Variants in DOK6 observed in about 807,000 individuals in gnomAD.
DOK6 encodes the protein docking protein 6.
DOK6 carries 22 observed loss-of-function variants against 44.0 expected under a neutral mutation model. The ratio of observed to expected loss-of-function variants is 0.50; its 90% confidence interval spans 0.36 to 0.71. The LOEUF (loss-of-function observed/expected upper bound fraction) is 0.71, where lower values mean the gene tolerates loss of function less well. Ranked by LOEUF, DOK6 falls within the 30% of genes least tolerant of loss-of-function variation. DOK6 has a pLI of 0.00. For missense variants in DOK6, 340 were observed against 416.4 expected (o/e 0.82, Z 1.60); for synonymous variants, 166 against 145.5 (o/e 1.14, Z -1.01).
chr18:69,432,106 C>T (rs554401345), intron 1 of DOK6, among the ~76,000 whole-genome samples: 1 of 152,084 alleles, frequency 6.6e-6, no homozygotes, highest in Non-Finnish European at 1.5e-5. Context: ...ATATAGTATA[C>T]AATTAGTGAG....
intron 1 of DOK6, among the ~76,000 whole-genome samples, chr18:69,538,182 GA>G (rs1452153309): frequency 6.6e-6 from 1 of 152,136 alleles, no homozygotes. Flanking sequence ...GCTGAAATAT[GA>G]GAACTTACAT....
intron 2 of DOK6, among the ~76,000 whole-genome samples, chr18:69,580,462 GA>G (rs1313182017): frequency 6.6e-6 from 1 of 152,170 alleles, no homozygotes; most frequent in Non-Finnish European, 1.5e-5. Context: ...CTTGCTTTTA[GA>G]AAGCTTCCAT....
chr18:69,735,174 G>T (rs567557193), intron 5 of DOK6, among the ~76,000 whole-genome samples: 2 of 152,298 alleles, frequency 1.3e-5, no homozygotes, highest in African/African-American at 4.8e-5. Context: ...AAGTGATTCT[G>T]GATGCAAGTG....
chr18:69,770,578 TAC>T (rs1473838273), intron 7 of DOK6, among the ~76,000 whole-genome samples: 1 of 152,124 alleles, frequency 6.6e-6, no homozygotes, highest in African/African-American at 2.4e-5. Context: ...ATGACTTGTA[TAC>T]AGTTTGGTCA....
intron 6 of DOK6, among the ~76,000 whole-genome samples, chr18:69,744,238 A>G (rs1978901576): frequency 6.6e-6 from 1 of 151,148 alleles, no homozygotes. Flanking sequence ...TGAACCCGGG[A>G]GGCGGAGGTT....
intron 5 of DOK6, among the ~76,000 whole-genome samples, chr18:69,728,322 A>AT (rs1978321629): frequency 7.5e-6 from 1 of 133,458 alleles, no homozygotes; most frequent in Admixed American, 7.7e-5. Context: ...AATGCTTTCT[A>AT]ATTTTTTTCC....
At chr18:69,414,610 A>T (rs963104047) in intron 1 of DOK6, among the ~76,000 whole-genome samples, 1 of 152,092 alleles carries the variant, frequency 6.6e-6, no homozygotes, top group Non-Finnish European at 1.5e-5. Context: ...AGAAGTGGTT[A>T]TAAAAGCAAA....
At chr18:69,635,043 C>G (rs566067368) in intron 3 of DOK6, among the ~76,000 whole-genome samples, 1 of 152,308 alleles carries the variant, frequency 6.6e-6, no homozygotes, top group African/African-American at 2.4e-5. Flanking sequence ...ACTGCCACAT[C>G]TGCCAGCCCC....
intron 3 of DOK6, among the ~76,000 whole-genome samples, chr18:69,610,891 C>T (rs1250394887): frequency 6.6e-6 from 1 of 151,898 alleles, no homozygotes; most frequent in Non-Finnish European, 1.5e-5. Flanking sequence ...AGAAGGGGTT[C>T]CTTAAACCAA....
chr18:69,465,955 G>A (rs1484063102), intron 1 of DOK6, among the ~76,000 whole-genome samples: 1 of 152,108 alleles, frequency 6.6e-6, no homozygotes, highest in Non-Finnish European at 1.5e-5. Context: ...ATGACATGAT[G>A]CTTTATACAT....
At chr18:69,519,214 T>C (rs1191848450) in intron 1 of DOK6, among the ~76,000 whole-genome samples, 1 of 152,038 alleles carries the variant, frequency 6.6e-6, no homozygotes, top group African/African-American at 2.4e-5. Flanking sequence ...ATCACTAGAA[T>C]AGAAAATTGT....
chr18:69,602,048 G>A (rs943112541), intron 3 of DOK6, among the ~76,000 whole-genome samples: 10 of 152,198 alleles, frequency 6.6e-5, no homozygotes, highest in African/African-American at 1.9e-4. Context: ...AATATCCCAT[G>A]CAGAAAATTG....
chr18:69,683,130 T>A (rs1986079138), intron 4 of DOK6, among the ~76,000 whole-genome samples: 1 of 151,806 alleles, frequency 6.6e-6, no homozygotes, highest in Admixed American at 6.6e-5. Context: ...TAATTTTATC[T>A]ATGGGATGAC....
chr18:69,730,356 A>T (rs1052420020), intron 5 of DOK6, among the ~76,000 whole-genome samples: 5 of 152,246 alleles, frequency 3.3e-5, no homozygotes, highest in African/African-American at 1.2e-4. Flanking sequence ...GAGATATTAG[A>T]AGTACTATAA....
At chr18:69,820,015 T>G (rs537928711) in intron 7 of DOK6, among the ~76,000 whole-genome samples, 1 of 152,336 alleles carries the variant, frequency 6.6e-6, no homozygotes, top group African/African-American at 2.4e-5. Flanking sequence ...GTAGCTGTCC[T>G]GGGCTGCAGG....
chr18:69,750,885 A>G (rs1246826650), intron 6 of DOK6, among the ~76,000 whole-genome samples: 3 of 152,338 alleles, frequency 2.0e-5, no homozygotes, highest in East Asian at 1.9e-4. Context: ...GTGGAATAGT[A>G]TTGAGCCTTA....
chr18:69,678,179 G>A (rs1599258601), intron 4 of DOK6, among the ~76,000 whole-genome samples: 1 of 152,072 alleles, frequency 6.6e-6, no homozygotes, highest in South Asian at 2.1e-4. Context: ...AACCTGGGAG[G>A]CAGAGGTTGC....
At position 69,498,655 on chromosome 18, in the gene DOK6, TG is replaced by T. The variant is rs894449032; in HGVS notation, c.67-65826del. On this transcript the variant is annotated intron_variant, in intron 1 of 7. Transcript: ENST00000382713. ...TTAAAAGGTCACAGTTAGCCTATAT[TG>T]GGGGGTAAATTATAATTTTGGGGTG... is the stretch of plus-strand genomic sequence containing the variant. 3.2e-4 allele frequency among the ~76,000 whole-genome samples: 48 copies of T among 152,262 alleles called. 1 individual carries two copies. Among genetic ancestry groups the T allele is most frequent in the South Asian group, 1.4e-3 (7 of 4,828 alleles).
At chr18:69,725,039 T>C (rs189046317) in intron 5 of DOK6, 2 of 152,364 alleles carry the variant, frequency 1.3e-5, no homozygotes, top group East Asian at 3.9e-4. Context: ...CTCAGTTATG[T>C]ACATGATTCA....
Sources: gnomAD v4.1 joint callset for allele counts (sites outside exome capture counted in the v4.1 genomes callset) on GRCh38, gnomAD v4.1.1 for gene constraint, MANE v1.5 for transcripts, NCBI Gene and HGNC (gene_info 2026-07-23, HGNC 2026-07-21) for gene names.